Variants in LAMA1 observed in about 807,000 individuals in gnomAD.
LAMA1 encodes laminin subunit alpha 1.
A neutral mutation model predicts 348.7 loss-of-function variants in LAMA1; 219 were observed. The ratio of observed to expected loss-of-function variants is 0.63; its 90% confidence interval spans 0.56 to 0.70. The LOEUF is 0.70. LAMA1 is among the 30% of genes least tolerant of loss of function. The pLI is 0.00. For missense variants in LAMA1, 3,744 were observed against 3,888.0 expected (o/e 0.96, Z 0.99); for synonymous variants, 1,487 against 1,491.0 (o/e 1.00, Z 0.06).
In LAMA1 at chr18:6,976,001, A is replaced by T. The variant is rs979390586; in HGVS notation, c.6425T>A (p.Leu2142Ter). The T allele has an allele frequency of 8.1e-6, 13 of 1,614,078 alleles. No individual in the cohort carries two copies. Among genetic ancestry groups the T allele is most frequent in the Non-Finnish European group, 9.3e-6 (11 of 1,180,010 alleles). Residue 2142 changes from leucine (L) to a stop codon, truncating the protein, a stop_gained, in exon 45 of 63, where the codon TTA becomes TAA. Coordinates refer to ENST00000389658, the MANE Select transcript of LAMA1 (RefSeq NM_005559.4). LOFTEE classifies it high-confidence loss of function. ...PQISSTNYNT[L>*]TLNVKTQEPD... ...TTCCTGTGTCTTAACATTTAGTGTT[A>T]AGGTATTGTAGTTGGTAGAGGAAAT...
intron 29 of LAMA1, among the ~76,000 whole-genome samples, chr18:7,005,719 C>A (rs1330907308): frequency 6.6e-6 from 1 of 152,040 alleles, no homozygotes; most frequent in African/African-American, 2.4e-5. Context: ...GTACTCCAGC[C>A]TGGGTGACAG....
In LAMA1 at chr18:6,999,560, A is replaced by C. The variant is rs770855093; in HGVS notation, c.4548T>G (p.Ser1516=). The C allele has an allele frequency of 2.5e-6, 4 of 1,614,170 alleles. No individual in the cohort carries two copies. The highest frequency in any genetic ancestry group is 4.5e-5 in the East Asian group (2 of 44,874). The change falls in exon 32 of 63, where the codon TCT becomes TCG. Residue 1516 remains serine (S), a synonymous_variant. Coordinates refer to ENST00000389658, the MANE Select transcript of LAMA1 (RefSeq NM_005559.4). ...ATGTGCGGTCACAGTCACCGTGGACAGAGCCGTGCGGGTTGCAGTCACACT... is the reference window on the plus strand; with the variant it reads ...ATGTGCGGTCACAGTCACCGTGGACCGAGCCGTGCGGGTTGCAGTCACACT... ...CQKCDCNPHG[S]VHGDCDRTSG...
intron 33 of LAMA1, 36 bp downstream of exon 33, chr18:6,997,706 C>T: frequency 6.2e-7 from 1 of 1,604,012 alleles, no homozygotes; most frequent in Middle Eastern, 1.6e-4. Context: ...CTTAATGATA[C>T]AAGTGTCTGT....
In LAMA1 at chr18:6,949,102, T is replaced by G. The variant is rs374227019; in HGVS notation, c.8555A>C (p.Asn2852Thr). ...GTCAGTATGGAAAATGCTGCTTACA[T>G]TTCCAATTTTCCTGGCCTGGTACTG... is the stretch of plus-strand genomic sequence containing the variant. ...PSQYQARKIG[N>T]ITHSIPACIG... Residue 2852 changes from asparagine (N) to threonine (T), a missense_variant and splice_region_variant, in exon 59 of 63, where the codon AAT becomes ACT. Physicochemically the swap from Asn to Thr is moderately conservative, Grantham distance 65. Around this residue, in one of 3 missense-constraint regions of LAMA1, gnomAD observed 1,983 missense variants for 1,934.3 expected, o/e 1.03. Coordinates refer to ENST00000389658, the MANE Select transcript of LAMA1 (RefSeq NM_005559.4). 3.4e-5 allele frequency: 55 copies of G among 1,614,044 alleles called. No individual in the cohort carries two copies. The highest frequency in any genetic ancestry group is 4.3e-5 in the Non-Finnish European group (51 of 1,180,022).
intron 3 of LAMA1, among the ~76,000 whole-genome samples, chr18:7,053,009 G>A (rs2058068187): frequency 6.6e-6 from 1 of 152,186 alleles, no homozygotes; most frequent in Non-Finnish European, 1.5e-5. Context: ...AACAGAGCAA[G>A]ACTCTGTCTC....
At chr18:7,099,458 T>G (rs996429527) in intron 1 of LAMA1, among the ~76,000 whole-genome samples, 3 of 146,708 alleles carry the variant, frequency 2.0e-5, no homozygotes, top group African/African-American at 7.5e-5. Flanking sequence ...ACCCAAGAAT[T>G]ATCAATAAAA....
chr18:7,025,418 C>T (rs2057938043), intron 17 of LAMA1, among the ~76,000 whole-genome samples: 2 of 152,216 alleles, frequency 1.3e-5, no homozygotes, highest in South Asian at 4.1e-4. Context: ...CTCCTCCCCA[C>T]CATCTGGTGG....
rs752872595 is a variant in LAMA1, at chr18:7,050,777, G to A, written c.505C>T (p.Arg169Ter). The change falls in exon 4 of 63, where the codon CGA becomes TGA. Residue 169 changes from arginine to a stop codon, truncating the protein, a stop_gained. Transcript: ENST00000389658. LOFTEE classifies it high-confidence loss of function. ...CLSRYNITPR[R>*]GPPTYRADDE... The stretch of plus-strand genomic sequence containing the variant: ...TCAGCCCTGTAGGTGGGTGGCCCTC[G>A]TCTTGGAGTTATATTGTAACGAGAC... 11 of 1,614,126 alleles carry A rather than the reference G, an allele frequency of 6.8e-6. No individual in the cohort carries two copies. The highest frequency in any genetic ancestry group is 2.7e-5 in the African/African-American group (2 of 75,028).
At chr18:7,044,884 T>C in intron 6 of LAMA1, 45 bp from the exon 7 acceptor site, 2 of 1,357,048 alleles carry the variant, frequency 1.5e-6, no homozygotes, top group South Asian at 2.3e-5. Context: ...ATGTATCTGC[T>C]TATGTTTCTT....
intron 61 of LAMA1, among the ~76,000 whole-genome samples, chr18:6,945,762 C>T (rs192990098): frequency 2.6e-5 from 4 of 152,208 alleles, no homozygotes; most frequent in South Asian, 2.1e-4. Context: ...CTGAAATGGA[C>T]GCTGGCCAAA....
intron 1 of LAMA1, among the ~76,000 whole-genome samples, chr18:7,113,520 T>C (rs2058343821): frequency 6.6e-6 from 1 of 152,160 alleles, no homozygotes; most frequent in Non-Finnish European, 1.5e-5. Context: ...ACCACTTGCT[T>C]AAACATGAAG....
intron 46 of LAMA1, 45 bp downstream of exon 46, chr18:6,974,858 A>G: frequency 6.2e-7 from 1 of 1,611,834 alleles, no homozygotes; most frequent in South Asian, 1.1e-5. Flanking sequence ...CTTATGAGAC[A>G]CACTTTAAAA....
At chr18:7,076,800 C>T (rs1033946511) in intron 3 of LAMA1, 27 of 152,228 alleles carry the variant, frequency 1.8e-4, no homozygotes, top group Admixed American at 7.2e-4. Context: ...TCAGAACAAA[C>T]GTCTTTATTT....
chr18:7,006,583 G>A (rs1384372243), intron 29 of LAMA1, among the ~76,000 whole-genome samples: 1 of 152,166 alleles, frequency 6.6e-6, no homozygotes, highest in Non-Finnish European at 1.5e-5. Context: ...GATACTGCCT[G>A]AGAAATGCAT....
rs1340638684 is a variant in LAMA1, at chr18:7,016,478, A to AAT, written c.2989+11_2989+12dup. ...ATGACTACAAAGTCTCAAACAAGGA[A>AAT]ATCAAGGCTTACGTGTACAGCTACC... On this transcript the variant is annotated intron_variant, in intron 21 of 62. Coordinates refer to ENST00000389658, the MANE Select transcript of LAMA1 (RefSeq NM_005559.4). 3 of 1,614,022 alleles carry AAT rather than the reference A, an allele frequency of 1.9e-6. No homozygotes were observed. In the African/African-American group the frequency reaches 4.0e-5, roughly 22 times the overall value.
At chr18:6,999,333 A>C in intron 32 of LAMA1, 112 bp downstream of exon 32, 1 of 1,050,854 alleles carries the variant, frequency 9.5e-7, no homozygotes, top group Non-Finnish European at 1.4e-6. Flanking sequence ...GAAAATGAAA[A>C]TAAAATAGGA....
chr18:7,076,913 G>A (rs1188952095), intron 3 of LAMA1: 1 of 152,106 alleles, frequency 6.6e-6, no homozygotes, highest in African/African-American at 2.4e-5. Context: ...TCAAGGGTGG[G>A]TATATGTGTA....
Position 7,016,687 on chromosome 18 carries a change from G to A in LAMA1, c.2809-16C>T. On this transcript the variant is annotated splice_polypyrimidine_tract_variant and intron_variant, in intron 20 of 62. Coordinates refer to ENST00000389658, the MANE Select transcript of LAMA1 (RefSeq NM_005559.4). ...AATAGCCATGCTGTTTCACCAAAGG[G>A]GGAGAAAGTGGAAACCAACATACGT... is the stretch of plus-strand genomic sequence containing the variant. The A allele has an allele frequency of 1.9e-6, 3 of 1,603,918 alleles. No homozygotes were observed. The highest frequency in any genetic ancestry group is 2.6e-6 in the Non-Finnish European group (3 of 1,175,064).
At chr18:6,965,579 C>G (rs1219777923) in intron 49 of LAMA1, 147 bp from the exon 50 acceptor site, 2 of 791,876 alleles carry the variant, frequency 2.5e-6, no homozygotes, top group Non-Finnish European at 2.1e-6. Context: ...GGCTACGAAA[C>G]CAAAAATGCC....
Sources: allele counts gnomAD v4.1 joint callset (sites outside exome capture counted in the v4.1 genomes callset), GRCh38; gene constraint gnomAD v4.1.1; regional missense constraint gnomAD v4.1.1; transcripts MANE v1.5; gene names NCBI Gene and HGNC (gene_info 2026-07-23, HGNC 2026-07-21).